The following RBFOX1 variants were observed in gnomAD, a reference collection of about 807,000 sequenced individuals.
RBFOX1 encodes the protein RNA binding protein fox-1 homolog 1.
RBFOX1 carries 8 observed loss-of-function variants against 57.7 expected under a neutral mutation model. That is an observed-to-expected ratio of 0.14 (90% CI 0.08 to 0.25). The LOEUF (loss-of-function observed/expected upper bound fraction) is 0.25. Among genes scored for constraint, RBFOX1 ranks in the 10% least tolerant of loss-of-function variants. The pLI, the probability that RBFOX1 is intolerant of heterozygous loss-of-function variation, is 1.00. For synonymous variants in RBFOX1, 326 were observed against 222.4 expected (o/e 1.47, Z -4.15); for missense variants, 611 against 548.5 (o/e 1.11, Z -1.14).
At chr16:6,772,098 G>A (rs984210855) in intron 3 of RBFOX1, among the ~76,000 whole-genome samples, 3 of 152,136 alleles carry the variant, frequency 2.0e-5, no homozygotes, top group African/African-American at 7.2e-5. Context: ...CTTTCCTGAG[G>A]AACAGTCTTC....
At chr16:6,062,240 A>G (rs566886917) in intron 1 of RBFOX1, among the ~76,000 whole-genome samples, 1 of 152,182 alleles carries the variant, frequency 6.6e-6, no homozygotes, top group East Asian at 1.9e-4. Context: ...GCTTCATTAA[A>G]TAGGTTTGAT....
chr16:5,812,315 G>A (rs1294050049), intron 3 of RBFOX1, among the ~76,000 whole-genome samples: 1 of 152,138 alleles, frequency 6.6e-6, no homozygotes, highest in Non-Finnish European at 1.5e-5. Flanking sequence ...TAGAAAGGCT[G>A]GATCATTTGT....
intron 4 of RBFOX1, among the ~76,000 whole-genome samples, chr16:7,253,115 A>G (rs2094552499): frequency 1.3e-5 from 2 of 152,268 alleles, no homozygotes; most frequent in South Asian, 2.1e-4. Context: ...AAACATATCT[A>G]GGTCAATCTG....
chr16:6,859,639 G>T (rs1005172548), intron 3 of RBFOX1, among the ~76,000 whole-genome samples: 1 of 152,000 alleles, frequency 6.6e-6, no homozygotes, highest in East Asian at 1.9e-4. Flanking sequence ...AACCTCCATG[G>T]AACTGTGTTT....
intron 2 of RBFOX1, among the ~76,000 whole-genome samples, chr16:6,540,278 C>T (rs547485357): frequency 3.9e-4 from 58 of 150,506 alleles, no homozygotes; most frequent in Non-Finnish European, 7.2e-4. Context: ...GTTCTTTATT[C>T]GTAGATAGCC....
At chr16:6,368,643 A>G (rs1199922017) in intron 2 of RBFOX1, among the ~76,000 whole-genome samples, 1 of 152,146 alleles carries the variant, frequency 6.6e-6, no homozygotes, top group African/African-American at 2.4e-5. Context: ...ATGTTTATCT[A>G]TTTTACCACT....
chr16:5,768,040 A>T (rs747165444), intron 3 of RBFOX1, among the ~76,000 whole-genome samples: 6 of 152,226 alleles, frequency 3.9e-5, no homozygotes, highest in Admixed American at 6.5e-5. Context: ...CTATGCAATT[A>T]TCCAAAAATA....
intron 4 of RBFOX1, among the ~76,000 whole-genome samples, chr16:5,969,477 A>ATTTTTTTTTTT (rs34622040): frequency 5.9e-4 from 69 of 116,898 alleles, no homozygotes; most frequent in Non-Finnish European, 9.6e-4. Context: ...ACGCCTGGCT[A>ATTTTTTTTTTT]TTTTTTTTTT....
At chr16:6,546,961 C>T (rs6500794) in intron 2 of RBFOX1, among the ~76,000 whole-genome samples, 75,155 of 151,940 alleles carry the variant, frequency 0.49, 19,631 homozygotes, top group Non-Finnish European at 0.58. Flanking sequence ...AATTAACTTT[C>T]AAAAAGTGAA....
chr16:7,158,424 C>T lies in RBFOX1; in HGVS notation c.27+106326C>T, dbSNP rs149293681. Among the ~76,000 whole-genome samples the T allele has an allele frequency of 7.1e-3, 1,080 of 152,246 alleles. 15 individuals carry two copies. The highest frequency in any genetic ancestry group is 0.025 in the African/African-American group (1,018 of 41,550). ...TACTGATGTAGAAAGATATACTGGT[C>T]TTATACAGACATTGATACCACCTAC... is the stretch of plus-strand genomic sequence containing the variant. On this transcript the variant is annotated intron_variant, in intron 4 of 15. Transcript: ENST00000550418.
intron 1 of RBFOX1, among the ~76,000 whole-genome samples, chr16:6,256,751 T>C (rs912497737): frequency 3.3e-5 from 5 of 152,040 alleles, no homozygotes; most frequent in Admixed American, 3.3e-4. Flanking sequence ...TCTCCCGTTT[T>C]GACAACCAAA....
intron 4 of RBFOX1, among the ~76,000 whole-genome samples, chr16:7,058,476 T>G (rs9932771): frequency 1.3e-5 from 2 of 151,612 alleles, no homozygotes; most frequent in Admixed American, 6.6e-5. Context: ...CTTTGCAACT[T>G]AGCACTTTGT....
At chr16:5,718,123 T>C (rs1250790715) in intron 3 of RBFOX1, among the ~76,000 whole-genome samples, 1 of 152,234 alleles carries the variant, frequency 6.6e-6, no homozygotes, top group Non-Finnish European at 1.5e-5. Context: ...TTTCTTTACA[T>C]AGGGGGCTTT....
At chr16:6,274,420 G>A (rs2075571102) in intron 1 of RBFOX1, among the ~76,000 whole-genome samples, 1 of 152,170 alleles carries the variant, frequency 6.6e-6, no homozygotes, top group South Asian at 2.1e-4. Flanking sequence ...CAGCCTGAAT[G>A]AATCTCCAGA....
intron 3 of RBFOX1, among the ~76,000 whole-genome samples, chr16:5,646,726 C>G (rs1267222384): frequency 6.6e-6 from 1 of 152,106 alleles, no homozygotes; most frequent in East Asian, 1.9e-4. Context: ...CCTCTGTCTT[C>G]CAGGTTCACA....
chr16:6,275,241 G>A (rs1326222271), intron 1 of RBFOX1, among the ~76,000 whole-genome samples: 1 of 151,994 alleles, frequency 6.6e-6, no homozygotes, highest in Non-Finnish European at 1.5e-5. Context: ...AACCCAGGAG[G>A]TGGAGCTTGC....
chr16:7,410,657 A>G (rs1202670282), intron 4 of RBFOX1, among the ~76,000 whole-genome samples: 2 of 151,610 alleles, frequency 1.3e-5, no homozygotes, highest in African/African-American at 4.8e-5. Context: ...AGCCTGGACA[A>G]CAAGAGCAAA....
At chr16:7,452,952 A>T (rs951613230) in intron 4 of RBFOX1, among the ~76,000 whole-genome samples, 2 of 152,032 alleles carry the variant, frequency 1.3e-5, no homozygotes, top group African/African-American at 4.8e-5. Context: ...AACATGGTGA[A>T]AAACCATCTC....
At chr16:7,687,247 G>A (rs1228782635) in intron 14 of RBFOX1, among the ~76,000 whole-genome samples, 1 of 152,026 alleles carries the variant, frequency 6.6e-6, no homozygotes, top group African/African-American at 2.4e-5. Flanking sequence ...GAATCTGAAT[G>A]GGATTTGTAC....
Sources: gnomAD v4.1 joint callset for allele counts (sites outside exome capture counted in the v4.1 genomes callset) on GRCh38, gnomAD v4.1.1 for gene constraint, MANE v1.5 for transcripts, NCBI Gene and HGNC (gene_info 2026-07-23, HGNC 2026-07-21) for gene names.